OSBPL10: variants seen among roughly 807,000 people sequenced by gnomAD.
OSBPL10 encodes the protein oxysterol-binding protein-related protein 10.
A neutral mutation model predicts 81.7 loss-of-function variants in OSBPL10; 49 were observed. The ratio of observed to expected loss-of-function variants is 0.60; its 90% CI spans 0.48 to 0.76. OSBPL10 has a LOEUF of 0.76. Among genes scored for constraint, OSBPL10 ranks in the 30% least tolerant of loss-of-function variants. OSBPL10 has a pLI of 0.00. For synonymous variants in OSBPL10, 419 were observed against 383.6 expected (o/e 1.09, Z -1.08); for missense variants, 923 against 987.8 (o/e 0.93, Z 0.88).
rs980816684 is a variant in OSBPL10 at position 32,069,500 on chromosome 3, A to T, written n.185+7896T>A. Among the ~76,000 whole-genome samples, 13 of 152,310 alleles carry T rather than the reference A, an allele frequency of 8.5e-5. No homozygotes were observed. In the South Asian group the frequency reaches 1.7e-3, roughly 19 times the overall value. The stretch of plus-strand genomic sequence containing the variant: ...CTTAAAGAAACTACCCAAGGTAAAG[A>T]CGAAAACCCAGCCCAGTTCATGGCC... On this transcript the variant is annotated intron_variant and non_coding_transcript_variant, in intron 1 of 3. Transcript: ENST00000479173.
intron 2 of OSBPL10, among the ~76,000 whole-genome samples, chr3:31,878,167 A>ATTT (rs1701526378): frequency 1.3e-5 from 2 of 152,248 alleles, no homozygotes; most frequent in South Asian, 4.1e-4. Flanking sequence ...GCCCTCTAAA[A>ATTT]AAAACCTAGG....
intron 3 of OSBPL10, among the ~76,000 whole-genome samples, chr3:31,858,480 T>C (rs943372746): frequency 6.6e-6 from 1 of 152,148 alleles, no homozygotes; most frequent in Non-Finnish European, 1.5e-5. Flanking sequence ...GAAAGCACAG[T>C]ACCCCTCACG....
At chr3:32,016,645 G>A (rs1487917260) in intron 2 of OSBPL10, among the ~76,000 whole-genome samples, 3 of 152,024 alleles carry the variant, frequency 2.0e-5, no homozygotes, top group Non-Finnish European at 4.4e-5. Context: ...GCTTTATATC[G>A]ATGTTCTCTC....
At chr3:31,676,207 T>C (rs921037554) in intron 8 of OSBPL10, among the ~76,000 whole-genome samples, 1 of 152,040 alleles carries the variant, frequency 6.6e-6, no homozygotes, top group Non-Finnish European at 1.5e-5. Context: ...TTTCTGAAAA[T>C]CCATAAATGT....
intron 1 of OSBPL10, among the ~76,000 whole-genome samples, chr3:31,925,307 C>T (rs532869920): frequency 2.0e-5 from 3 of 152,142 alleles, no homozygotes; most frequent in Admixed American, 2.0e-4. Flanking sequence ...AGACCCTCCA[C>T]GACCCTCCAC....
intron 4 of OSBPL10, among the ~76,000 whole-genome samples, chr3:31,825,465 G>A (rs1183637761): frequency 1.3e-5 from 2 of 152,072 alleles, no homozygotes; most frequent in East Asian, 3.9e-4. Context: ...GGGACTACAG[G>A]CATGAGCCAC....
intron 1 of OSBPL10, among the ~76,000 whole-genome samples, chr3:31,900,466 A>G (rs1458109803): frequency 1.3e-5 from 2 of 152,044 alleles, no homozygotes; most frequent in African/African-American, 4.8e-5. Flanking sequence ...TTTGTCTCCT[A>G]TTAAACCCCT....
chr3:32,051,033 A>G lies in OSBPL10; in HGVS notation n.186-4430T>C, dbSNP rs1013972012. ...AAAAGTGGATATCCAAGCTATACAT[A>G]TATTTAGAAGGCCTTTATGTTTTTT... On this transcript the variant is annotated intron_variant and non_coding_transcript_variant, in intron 1 of 3. Transcript: ENST00000479173. Among the ~76,000 whole-genome samples, 32 of 152,244 alleles carry G rather than the reference A, an allele frequency of 2.1e-4. 1 individual carries two copies. The highest frequency in any genetic ancestry group is 4.4e-4 in the Non-Finnish European group (30 of 68,000).
At chr3:31,800,412 G>A (rs539007109) in intron 4 of OSBPL10, among the ~76,000 whole-genome samples, 3 of 152,316 alleles carry the variant, frequency 2.0e-5, no homozygotes, top group Non-Finnish European at 4.4e-5. Context: ...AAGCAGTTGG[G>A]CCCAGCACAA....
intron 1 of OSBPL10, among the ~76,000 whole-genome samples, chr3:31,908,120 G>C (rs1414208748): frequency 6.6e-6 from 1 of 152,156 alleles, no homozygotes; most frequent in Non-Finnish European, 1.5e-5. Flanking sequence ...GTGGGAGCAG[G>C]CTTGGTGTGC....
At chr3:31,801,005 CT>C (rs35303533) in intron 4 of OSBPL10, among the ~76,000 whole-genome samples, 3 of 149,378 alleles carry the variant, frequency 2.0e-5, no homozygotes, top group African/African-American at 4.9e-5. Flanking sequence ...TTTAAGTGGT[CT>C]TTTTTTTTTA....
intron 8 of OSBPL10, among the ~76,000 whole-genome samples, chr3:31,674,761 TGC>T (rs1700421105): frequency 1.3e-5 from 2 of 152,200 alleles, no homozygotes; most frequent in Non-Finnish European, 1.5e-5. Context: ...GCTAGTGCCA[TGC>T]TTTTTGTACA....
At chr3:31,740,263 C>T (rs1413187666) in intron 5 of OSBPL10, among the ~76,000 whole-genome samples, 4 of 152,044 alleles carry the variant, frequency 2.6e-5, no homozygotes, top group South Asian at 2.1e-4. Context: ...AGGCTGGTCT[C>T]GAACTCCTGA....
intron 4 of OSBPL10, among the ~76,000 whole-genome samples, chr3:31,814,919 A>T (rs1169686622): frequency 6.6e-6 from 1 of 152,172 alleles, no homozygotes; most frequent in Non-Finnish European, 1.5e-5. Context: ...TGAGGATATG[A>T]TATGCCCTTC....
intron 2 of OSBPL10, among the ~76,000 whole-genome samples, chr3:31,987,552 T>C (rs1467824933): frequency 6.6e-6 from 1 of 152,238 alleles, no homozygotes; most frequent in Admixed American, 6.5e-5. Flanking sequence ...ATGCTGGTTC[T>C]GGCTAGATCT....
At chr3:31,962,590 T>C (rs1185974132) in intron 1 of OSBPL10, among the ~76,000 whole-genome samples, 3 of 152,076 alleles carry the variant, frequency 2.0e-5, no homozygotes, top group Non-Finnish European at 4.4e-5. Context: ...AGAAGTGCCA[T>C]AAATACTCTG....
intron 3 of OSBPL10, among the ~76,000 whole-genome samples, chr3:31,853,061 A>G (rs1204796530): frequency 6.6e-6 from 1 of 152,172 alleles, no homozygotes; most frequent in Non-Finnish European, 1.5e-5. Flanking sequence ...TCACATGAAA[A>G]AGAGTTTTTT....
chr3:31,745,499 C>T (rs919337281), intron 5 of OSBPL10, among the ~76,000 whole-genome samples: 2 of 152,188 alleles, frequency 1.3e-5, no homozygotes, highest in Non-Finnish European at 2.9e-5. Context: ...TTTTTAAAAA[C>T]ATGTATACAT....
intron 6 of OSBPL10, among the ~76,000 whole-genome samples, chr3:31,709,511 TAGC>T (rs1184121212): frequency 6.6e-6 from 1 of 152,052 alleles, no homozygotes; most frequent in African/African-American, 2.4e-5. Flanking sequence ...TCACAGGAAA[TAGC>T]AGCATGTCTT....
Sources: gnomAD v4.1 joint callset for allele counts (sites outside exome capture counted in the v4.1 genomes callset) on GRCh38, gnomAD v4.1.1 for gene constraint, MANE v1.5 for transcripts, NCBI Gene and HGNC (gene_info 2026-07-23, HGNC 2026-07-21) for gene names.